Variants in MTMR12 observed in about 807,000 individuals in gnomAD.
The protein encoded by MTMR12 is myotubularin-related protein 12.
A neutral mutation model predicts 96.7 loss-of-function variants in MTMR12; 33 were observed. The ratio of observed to expected loss-of-function variants is 0.34; its 90% CI spans 0.26 to 0.46. The LOEUF (loss-of-function observed/expected upper bound fraction) is 0.46. Among genes scored for constraint, MTMR12 ranks in the 20% least tolerant of loss-of-function variants. The pLI is 1.00. For missense variants in MTMR12, 721 were observed against 896.1 expected (o/e 0.80, Z 2.49); for synonymous variants, 298 against 327.2 (o/e 0.91, Z 0.96).
At position 32,239,119 on chromosome 5, in the gene MTMR12, A is replaced by G. The variant is rs763704820; in HGVS notation, c.1226T>C (p.Met409Thr). ...CLISSLVQLM[M>T]DPHCRTRIGF... is the part of the protein sequence containing the mutation. ...AATTCTGGTTCTGCAGTGGGGGTCC[A>G]TCATCAGTTGCACCAGAGAGGAAAT... The change falls in exon 13 of 16, where the codon ATG becomes ACG. Residue 409 changes from methionine to threonine, a missense_variant. Physicochemically the swap from Met to Thr is moderately conservative, Grantham distance 81. Coordinates refer to ENST00000382142, the MANE Select transcript of MTMR12 (RefSeq NM_001040446.3). The G allele has an allele frequency of 3.1e-6, 5 of 1,609,562 alleles. No homozygotes were observed. The South Asian group carries it at 4.5e-5, about 14-fold the overall frequency.
intron 12 of MTMR12, 50 bp from the exon 13 acceptor site, chr5:32,239,223 T>C: frequency 6.8e-7 from 1 of 1,474,960 alleles, no homozygotes; most frequent in Non-Finnish European, 9.0e-7. Flanking sequence ...GCATAAAATG[T>C]TAAAAAGTTT....
intron 1 of MTMR12, among the ~76,000 whole-genome samples, chr5:32,279,993 G>T (rs1432368948): frequency 2.6e-5 from 4 of 152,210 alleles, no homozygotes; most frequent in Non-Finnish European, 5.9e-5. Context: ...GGACATACAG[G>T]ACAAAAGCAC....
At chr5:32,274,596 G>C (rs1305859716) in intron 2 of MTMR12, among the ~76,000 whole-genome samples, 1 of 152,150 alleles carries the variant, frequency 6.6e-6, no homozygotes, top group Admixed American at 6.6e-5. Context: ...GAAGTGCTGA[G>C]AGAGAGTGAC....
intron 14 of MTMR12, among the ~76,000 whole-genome samples, chr5:32,234,300 C>T: frequency 6.6e-6 from 1 of 152,214 alleles, no homozygotes; most frequent in Non-Finnish European, 1.5e-5. Context: ...GAAAGCAGGG[C>T]TGTTGCTCCT....
In MTMR12 at chr5:32,227,420, T is replaced by C. The variant is rs926055472; in HGVS notation, c.*2358A>G. On this transcript the variant is annotated 3_prime_UTR_variant, in exon 16 of 16. Transcript: ENST00000382142. ...TGATTTCAAATATAAATACAAAAAT[T>C]GTCATGACCTTACACGTTACAACAG... 3.9e-5 allele frequency: 6 copies of C among 152,628 alleles called. No homozygotes were observed. Among genetic ancestry groups the C allele is most frequent in the Non-Finnish European group, 8.8e-5 (6 of 68,042 alleles). The allele number at this position is 152,628 out of a possible 1,614,324, so 9.5% of individuals were successfully genotyped here.
intron 6 of MTMR12, among the ~76,000 whole-genome samples, chr5:32,267,810 C>T (rs144987045): frequency 6.6e-4 from 101 of 152,184 alleles, no homozygotes; most frequent in African/African-American, 2.2e-3. Flanking sequence ...TCTCACATTC[C>T]TAGTTATAAT....
At chr5:32,266,201 TTTTTG>T (rs143947745) in intron 6 of MTMR12, among the ~76,000 whole-genome samples, 4,560 of 152,012 alleles carry the variant, frequency 0.03, 80 homozygotes, top group Middle Eastern at 0.058. Flanking sequence ...TGACTTTACG[TTTTTG>T]TTTTGTTTTG....
At chr5:32,288,284 A>G (rs1392240347) in intron 1 of MTMR12, among the ~76,000 whole-genome samples, 2 of 152,102 alleles carry the variant, frequency 1.3e-5, no homozygotes, top group Admixed American at 1.3e-4. Flanking sequence ...CAGCTTCCCC[A>G]TCCCCAGTAG....
At chr5:32,248,208 T>G in intron 9 of MTMR12, 82 bp from the exon 10 acceptor site, 1 of 1,475,970 alleles carries the variant, frequency 6.8e-7, no homozygotes, top group Non-Finnish European at 9.3e-7. Context: ...CAATCTGTGT[T>G]AAGGGCTCAG....
At position 32,312,938 on chromosome 5, in the gene MTMR12, C is replaced by G. The variant is rs1751664897; in HGVS notation, c.-100G>C. The G allele has an allele frequency of 1.1e-5, 12 of 1,131,328 alleles. No homozygotes were observed. In the South Asian group the frequency reaches 1.7e-4, roughly 16 times the overall value. The allele number at this position is 1,131,328 out of a possible 1,614,324, so 70.1% of individuals were successfully genotyped here. The stretch of plus-strand genomic sequence containing the variant: ...GCCACCAGCACTAGCGGCTGGGGCT[C>G]CGCCCATCCCCAAGGCCGCGACCGC... On this transcript the variant is annotated 5_prime_UTR_variant, in exon 1 of 16. Coordinates refer to ENST00000382142, the MANE Select transcript of MTMR12 (RefSeq NM_001040446.3). This position sits in a 1 kb window ranked among gnomAD's most constrained non-coding sequence, Gnocchi z 5.0.
chr5:32,277,701 A>AAAAAAACAAAG (rs368469301), intron 1 of MTMR12, among the ~76,000 whole-genome samples: 1 of 151,744 alleles, frequency 6.6e-6, no homozygotes, highest in African/African-American at 2.4e-5. Context: ...TGTCTCAAAA[A>AAAAAAACAAAG]AAAAAGAAAA....
intron 12 of MTMR12, among the ~76,000 whole-genome samples, chr5:32,240,041 G>C (rs910278008): frequency 1.3e-5 from 2 of 152,204 alleles, no homozygotes; most frequent in Non-Finnish European, 2.9e-5. Context: ...GGTGCAACTC[G>C]AGTTGTTTTT....
At chr5:32,308,883 G>A (rs1048982779) in intron 1 of MTMR12, among the ~76,000 whole-genome samples, 2 of 152,112 alleles carry the variant, frequency 1.3e-5, no homozygotes, top group Non-Finnish European at 2.9e-5. Context: ...GATTACAGGC[G>A]TGAGCCACCA....
intron 1 of MTMR12, among the ~76,000 whole-genome samples, chr5:32,277,711 A>AAG (rs1410563981): frequency 6.6e-6 from 1 of 152,128 alleles, no homozygotes; most frequent in African/African-American, 2.4e-5. Flanking sequence ...AAAAAAGAAA[A>AAG]AGAAAGAAAG....
intron 1 of MTMR12, among the ~76,000 whole-genome samples, chr5:32,288,466 C>G (rs941723259): frequency 5.3e-5 from 8 of 152,156 alleles, no homozygotes; most frequent in South Asian, 4.2e-4. Flanking sequence ...GCTTCTAGAC[C>G]TATAACTGGA....
chr5:32,238,814 G>A (rs1243469264), intron 13 of MTMR12, among the ~76,000 whole-genome samples, 187 bp downstream of exon 13: 1 of 152,018 alleles, frequency 6.6e-6, no homozygotes, highest in East Asian at 1.9e-4. Flanking sequence ...CTTTCCTCTG[G>A]GAAAGGTTTC....
chr5:32,267,816 A>G (rs1312186856), intron 6 of MTMR12, among the ~76,000 whole-genome samples: 1 of 152,090 alleles, frequency 6.6e-6, no homozygotes, highest in Non-Finnish European at 1.5e-5. Context: ...ATTCCTAGTT[A>G]TAATATATTA....
chr5:32,239,127 T>C lies in MTMR12; in HGVS notation c.1218A>G (p.Gln406=). 6.2e-7 allele frequency: 1 copy of C among 1,608,278 alleles called. No homozygotes were observed. Among genetic ancestry groups the C allele is most frequent in the Non-Finnish European group, 8.5e-7 (1 of 1,177,230 alleles). Residue 406 remains glutamine, a synonymous_variant, in exon 13 of 16, where the codon CAA becomes CAG. Coordinates refer to ENST00000382142, the MANE Select transcript of MTMR12 (RefSeq NM_001040446.3). ...TTCTGCAGTGGGGGTCCATCATCAG[T>C]TGCACCAGAGAGGAAATGAGACAGC... ...DLCCLISSLV[Q]LMMDPHCRTR...
At position 32,230,129 on chromosome 5, in the gene MTMR12, G is replaced by A. The variant is rs1270013727; in HGVS notation, c.1893C>T (p.Ile631=). ...CCCAGACTTTGATTTCGGGCCCCTC[G>A]ATATGCGGTAACAACAAACCATGGT... ...TDYHGLLLPH[I]EGPEIKVWAQ... The change falls in exon 16 of 16, where the codon ATC becomes ATT. Residue 631 remains isoleucine (I), a synonymous_variant. Coordinates refer to ENST00000382142, the MANE Select transcript of MTMR12 (RefSeq NM_001040446.3). 15 of 1,613,058 alleles carry A rather than the reference G, an allele frequency of 9.3e-6. No individual in the cohort carries two copies. The highest frequency in any genetic ancestry group is 8.9e-5 in the East Asian group (4 of 44,864).
Sources: allele counts gnomAD v4.1 joint callset (sites outside exome capture counted in the v4.1 genomes callset), GRCh38; gene constraint gnomAD v4.1.1; non-coding constraint Gnocchi (gnomAD v3.1); transcripts MANE v1.5; gene names NCBI Gene and HGNC (gene_info 2026-07-23, HGNC 2026-07-21).